ZNF492: variants seen among roughly 807,000 people sequenced by gnomAD.
ZNF492 encodes the protein zinc finger protein 492.
ZNF492 carries 3 observed loss-of-function variants against 6.4 expected under a neutral mutation model. That is an observed-to-expected ratio of 0.47 (90% CI 0.21 to 1.22). The LOEUF (loss-of-function observed/expected upper bound fraction) is 1.22. ZNF492 is among the 50% of genes most tolerant of loss of function. ZNF492 has a pLI of 0.22. For missense variants in ZNF492, 356 were observed against 612.5 expected (o/e 0.58, Z 4.42); for synonymous variants, 112 against 205.3 (o/e 0.55, Z 3.89).
intron 3 of ZNF492, among the ~76,000 whole-genome samples, chr19:22,658,313 T>C (rs1024686050): frequency 1.7e-4 from 26 of 151,362 alleles, no homozygotes; most frequent in African/African-American, 6.4e-4. Flanking sequence ...CCTTGGGAGA[T>C]TGAGGAGGGA....
chr19:22,652,791 G>T (rs1971954767), intron 1 of ZNF492, among the ~76,000 whole-genome samples: 2 of 152,092 alleles, frequency 1.3e-5, no homozygotes, highest in South Asian at 4.1e-4. Context: ...GTGTTAGCCA[G>T]GATAGTCTCG....
In ZNF492 at chr19:22,666,867, G is replaced by A. The variant is rs1327516497; in HGVS notation, c.*1602G>A. 2.6e-5 allele frequency: 4 copies of A among 152,130 alleles called. No homozygotes were observed. Among genetic ancestry groups the A allele is most frequent in the Non-Finnish European group, 5.9e-5 (4 of 68,030 alleles). The allele number at this position is 152,130 out of a possible 1,614,324, so 9.4% of individuals were successfully genotyped here. A position where few individuals can be genotyped will look rare whatever the true frequency, so the allele number is the denominator to read the frequency against. The stretch of plus-strand genomic sequence containing the variant: ...ACATTTTTAACAGTTTAAATATTGT[G>A]CATTCAATCAAGTCACATTATTCCA... On this transcript the variant is annotated 3_prime_UTR_variant, in exon 4 of 4. Transcript: ENST00000456783.
chr19:22,661,916 G>A (rs374438780), intron 3 of ZNF492, among the ~76,000 whole-genome samples: 1 of 152,044 alleles, frequency 6.6e-6, no homozygotes, highest in African/African-American at 2.4e-5. Flanking sequence ...ATAATCACTT[G>A]CTATAATTGT....
At chr19:22,659,477 A>G (rs1447868946) in intron 3 of ZNF492, among the ~76,000 whole-genome samples, 3 of 151,670 alleles carry the variant, frequency 2.0e-5, no homozygotes, top group African/African-American at 4.9e-5. Flanking sequence ...GTGTCAAAAT[A>G]TCCTACTATA....
At chr19:22,646,690 C>A (rs1173776087) in intron 1 of ZNF492, among the ~76,000 whole-genome samples, 1 of 152,128 alleles carries the variant, frequency 6.6e-6, no homozygotes, top group Non-Finnish European at 1.5e-5. Context: ...AGATATGTTC[C>A]ATTAACACCT....
Position 22,665,408 on chromosome 19 carries a change from A to T in ZNF492, c.*143A>T. ...AATGCTCAAACCTTATTGCACAGGA[A>T]AGCCTTTATACTTGAGAACAAATGT... On this transcript the variant is annotated 3_prime_UTR_variant, in exon 4 of 4. Coordinates refer to ENST00000456783, the MANE Select transcript of ZNF492 (RefSeq NM_020855.3). 5 of 1,440,008 alleles carry T rather than the reference A, an allele frequency of 3.5e-6. No individual in the cohort carries two copies. Among genetic ancestry groups the T allele is most frequent in the Non-Finnish European group, 4.6e-6 (5 of 1,090,130 alleles). The allele number at this position is 1,440,008 out of a possible 1,614,324, so 89.2% of individuals were successfully genotyped here. A position where few individuals can be genotyped will look rare whatever the true frequency, so the allele number is the denominator to read the frequency against.
At position 22,666,050 on chromosome 19, in the gene ZNF492, A is replaced by T. The variant is rs1568359033; in HGVS notation, c.*785A>T. 2 of 151,692 alleles carry T rather than the reference A, an allele frequency of 1.3e-5. No homozygotes were observed. Among genetic ancestry groups the T allele is most frequent in the African/African-American group, 4.8e-5 (2 of 41,280 alleles). 9.4% of individuals were successfully genotyped at this position (151,692 alleles called of 1,614,324 possible). On this transcript the variant is annotated 3_prime_UTR_variant, in exon 4 of 4. Transcript: ENST00000456783. The stretch of plus-strand genomic sequence containing the variant: ...ATACTTTTTTTTAGAAAGATTACAG[A>T]TTTTTTTTAAAAGTAAATAACTCTC...
At chr19:22,651,419 T>C (rs1414437017) in intron 1 of ZNF492, among the ~76,000 whole-genome samples, 2 of 152,120 alleles carry the variant, frequency 1.3e-5, no homozygotes, top group African/African-American at 4.8e-5. Flanking sequence ...AAGAACTGTG[T>C]CCACTCTGCC....
At chr19:22,642,878 A>G (rs761042916) in intron 1 of ZNF492, among the ~76,000 whole-genome samples, 1 of 152,200 alleles carries the variant, frequency 6.6e-6, no homozygotes, top group East Asian at 1.9e-4. Flanking sequence ...TTAGCAATAC[A>G]GAATGATAAA....
intron 3 of ZNF492, among the ~76,000 whole-genome samples, chr19:22,654,401 G>T (rs1005734939): frequency 6.6e-6 from 1 of 152,086 alleles, no homozygotes; most frequent in African/African-American, 2.4e-5. Context: ...TCCTAAATGT[G>T]TGAGAGCAGT....
At chr19:22,640,229 C>T (rs910479607) in intron 1 of ZNF492, among the ~76,000 whole-genome samples, 7 of 151,804 alleles carry the variant, frequency 4.6e-5, no homozygotes, top group African/African-American at 1.7e-4. Flanking sequence ...GTGGCGCGAT[C>T]TCAGCTCACT....
Position 22,667,073 on chromosome 19 carries a change from A to G in ZNF492, c.*1808A>G, listed in dbSNP as rs1332327672. 6.6e-6 allele frequency: 1 copy of G among 152,178 alleles called. No homozygotes were observed. The highest frequency in any genetic ancestry group is 1.5e-5 in the Non-Finnish European group (1 of 68,058). The allele number at this position is 152,178 out of a possible 1,614,324, so 9.4% of individuals were successfully genotyped here. ...GAGAAACGCCATCTCTACTAAAAATACAAAATTAGCCAGGCATGGTGGCGC... is the reference window on the plus strand; with the variant it reads ...GAGAAACGCCATCTCTACTAAAAATGCAAAATTAGCCAGGCATGGTGGCGC... On this transcript the variant is annotated 3_prime_UTR_variant, in exon 4 of 4. Coordinates refer to ENST00000456783, the MANE Select transcript of ZNF492 (RefSeq NM_020855.3).
intron 1 of ZNF492, among the ~76,000 whole-genome samples, chr19:22,644,213 GA>G (rs1971855870): frequency 6.6e-6 from 1 of 151,942 alleles, no homozygotes; most frequent in Admixed American, 6.6e-5. Flanking sequence ...AGGAGAAAGA[GA>G]AAAAATGGCA....
intron 1 of ZNF492, among the ~76,000 whole-genome samples, chr19:22,640,109 GCTTT>G (rs1412640390): frequency 6.6e-6 from 1 of 151,710 alleles, no homozygotes; most frequent in African/African-American, 2.4e-5. Flanking sequence ...ATACTTTTGT[GCTTT>G]CTGTCTTCAG....
chr19:22,664,983 A>G lies in ZNF492; in HGVS notation c.1314A>G (p.Lys438=). ...KAFNQSSTLS[K]HKVIHTGEKP... ...TTAACCAGTCCTCAACTCTTTCTAA[A>G]CATAAGGTAATTCATACTGGAGAGA... The change falls in exon 4 of 4, where the codon AAA becomes AAG. Residue 438 remains lysine, a synonymous_variant. Coordinates refer to ENST00000456783, the MANE Select transcript of ZNF492 (RefSeq NM_020855.3). 1.2e-6 allele frequency: 2 copies of G among 1,604,922 alleles called. No homozygotes were observed. The highest frequency in any genetic ancestry group is 1.1e-5 in the South Asian group (1 of 90,636).
chr19:22,643,813 G>A (rs1599395732), intron 1 of ZNF492, among the ~76,000 whole-genome samples: 1 of 152,138 alleles, frequency 6.6e-6, no homozygotes, highest in South Asian at 2.1e-4. Flanking sequence ...CCAGAATCAA[G>A]TATAGGGGGT....
chr19:22,652,967 G>A (rs746520255), intron 1 of ZNF492, among the ~76,000 whole-genome samples: 2 of 152,158 alleles, frequency 1.3e-5, no homozygotes, highest in African/African-American at 2.4e-5. Context: ...AACTGAATAT[G>A]TCTTTTCCAT....
chr19:22,641,310 A>AT (rs930275670), intron 1 of ZNF492, among the ~76,000 whole-genome samples: 10 of 151,836 alleles, frequency 6.6e-5, no homozygotes, highest in African/African-American at 1.7e-4. Flanking sequence ...CTTTGTTCTC[A>AT]TTTTTTTCAG....
intron 3 of ZNF492, among the ~76,000 whole-genome samples, chr19:22,660,509 A>T (rs1327285758): frequency 6.6e-6 from 1 of 151,096 alleles, no homozygotes; most frequent in African/African-American, 2.4e-5. Context: ...TCTCAGTTGA[A>T]TAAAAAAATC....
Sources: allele counts gnomAD v4.1 joint callset (sites outside exome capture counted in the v4.1 genomes callset), GRCh38; gene constraint gnomAD v4.1.1; transcripts MANE v1.5; gene names NCBI Gene and HGNC (gene_info 2026-07-23, HGNC 2026-07-21).